TMEM232: variants seen among roughly 807,000 people sequenced by gnomAD.
TMEM232 encodes transmembrane protein 232.
TMEM232 carries 80 observed loss-of-function variants against 78.8 expected under a neutral mutation model. That is an observed-to-expected ratio of 1.01 (90% CI 0.85 to 1.22). The LOEUF is 1.22. Ranked by LOEUF, TMEM232 falls within the 50% of genes most tolerant of loss-of-function variation. The probability of loss-of-function intolerance (pLI) is 0.00; values close to 1 mark genes in which losing one functional copy is unlikely to be tolerated. For synonymous variants in TMEM232, 297 were observed against 254.3 expected (o/e 1.17, Z -1.60); for missense variants, 881 against 742.2 (o/e 1.19, Z -2.17).
At chr5:110,539,945 G>C (rs1446076651) in intron 11 of TMEM232, among the ~76,000 whole-genome samples, 1 of 152,136 alleles carries the variant, frequency 6.6e-6, no homozygotes, top group East Asian at 1.9e-4. Flanking sequence ...TTGTTCTTTT[G>C]GGGGAATAGC....
chr5:110,484,561 C>T (rs1189770010), intron 12 of TMEM232, among the ~76,000 whole-genome samples: 1 of 151,912 alleles, frequency 6.6e-6, no homozygotes, highest in Admixed American at 6.6e-5. Flanking sequence ...ATTCCCAATA[C>T]ATGCTATTAA....
At chr5:110,729,196 A>G (rs1277360140), upstream of TMEM232, among the ~76,000 whole-genome samples, 2 of 151,974 alleles carry the variant, frequency 1.3e-5, no homozygotes, top group African/African-American at 4.8e-5. Context: ...AGTCTTCTTT[A>G]TTTTTAAAAC....
intron 11 of TMEM232, among the ~76,000 whole-genome samples, chr5:110,566,027 T>A (rs1776301023): frequency 6.6e-6 from 1 of 151,918 alleles, no homozygotes; most frequent in Admixed American, 6.6e-5. Context: ...TATAATCACA[T>A]TCCCTTTACC....
intron 12 of TMEM232, among the ~76,000 whole-genome samples, chr5:110,511,472 TTAAG>T (rs1253981652): frequency 2.6e-5 from 4 of 151,948 alleles, no homozygotes; most frequent in East Asian, 1.9e-4. Flanking sequence ...AAAAATGATA[TTAAG>T]TAATAATTAT....
chr5:110,713,150 G>GA (rs1323317203), intron 1 of TMEM232, among the ~76,000 whole-genome samples: 4 of 151,890 alleles, frequency 2.6e-5, no homozygotes, highest in Non-Finnish European at 5.9e-5. Context: ...AACAGGCACA[G>GA]AAAGACAAAC....
At chr5:110,582,789 A>T (rs1323384064) in intron 10 of TMEM232, among the ~76,000 whole-genome samples, 1 of 152,064 alleles carries the variant, frequency 6.6e-6, no homozygotes, top group East Asian at 1.9e-4. Context: ...AAGTGCGTTA[A>T]AACCAATAAA....
intron 1 of TMEM232, among the ~76,000 whole-genome samples, chr5:110,699,340 A>C (rs1795179670): frequency 6.6e-6 from 1 of 152,080 alleles, no homozygotes; most frequent in African/African-American, 2.4e-5. Flanking sequence ...TAATACATCT[A>C]ACTGAAAGTA....
chr5:110,679,337 G>T (rs986440848), intron 1 of TMEM232, among the ~76,000 whole-genome samples: 1 of 152,124 alleles, frequency 6.6e-6, no homozygotes, highest in African/African-American at 2.4e-5. Flanking sequence ...TTGTTGAGGT[G>T]CTGTTAAGGT....
intron 12 of TMEM232, among the ~76,000 whole-genome samples, chr5:110,471,410 G>T (rs1443589204): frequency 6.6e-6 from 1 of 151,956 alleles, no homozygotes; most frequent in Non-Finnish European, 1.5e-5. Flanking sequence ...GAAGCTCAAA[G>T]GTCCCCAAGC....
intron 2 of TMEM232, among the ~76,000 whole-genome samples, chr5:110,646,010 G>A (rs1561446446): frequency 6.6e-6 from 1 of 151,488 alleles, no homozygotes. Context: ...TATCAAAGAG[G>A]TGAAAGACCT....
chr5:110,667,774 A>G (rs1790786615), intron 1 of TMEM232: 1 of 152,662 alleles, frequency 6.6e-6, no homozygotes, highest in Admixed American at 6.6e-5. Context: ...GCTTAGAATG[A>G]GCCTAGTATA....
At chr5:110,423,390 A>G (rs1225743857) in intron 13 of TMEM232, among the ~76,000 whole-genome samples, 1 of 152,186 alleles carries the variant, frequency 6.6e-6, no homozygotes, top group Non-Finnish European at 1.5e-5. Context: ...TGTAAAGCAT[A>G]AAGTATAAAT....
At chr5:110,677,041 G>A (rs566934079) in intron 1 of TMEM232, among the ~76,000 whole-genome samples, 10 of 152,212 alleles carry the variant, frequency 6.6e-5, no homozygotes, top group Admixed American at 5.9e-4. Flanking sequence ...GATTACAGGC[G>A]TGAGCCACCG....
chr5:110,500,306 A>AAC (rs1335563869), intron 12 of TMEM232, among the ~76,000 whole-genome samples: 2 of 145,028 alleles, frequency 1.4e-5, no homozygotes, highest in African/African-American at 5.5e-5. Context: ...AAAAAAAAAA[A>AAC]AGAAAGAAAG....
chr5:110,532,957 G>C (rs1771769533), intron 11 of TMEM232, among the ~76,000 whole-genome samples: 1 of 152,114 alleles, frequency 6.6e-6, no homozygotes, highest in African/African-American at 2.4e-5. Context: ...ACCAGACAAG[G>C]TTTACAAGTT....
intron 1 of TMEM232, among the ~76,000 whole-genome samples, chr5:110,698,300 G>C (rs934492803): frequency 6.6e-6 from 1 of 152,016 alleles, no homozygotes; most frequent in South Asian, 2.1e-4. Context: ...GTGGGTGGAG[G>C]GGGAGGGATA....
chr5:110,613,911 T>A (rs943475383), intron 8 of TMEM232, among the ~76,000 whole-genome samples: 5 of 152,044 alleles, frequency 3.3e-5, no homozygotes, highest in African/African-American at 7.2e-5. Context: ...TTTGGTATAA[T>A]GTTATTATTA....
chr5:110,444,919 T>TTGTC (rs1759481202), intron 12 of TMEM232, among the ~76,000 whole-genome samples: 2 of 152,222 alleles, frequency 1.3e-5, no homozygotes, highest in Non-Finnish European at 2.9e-5. Flanking sequence ...TTCCTCCTCT[T>TTGTC]TGTCTTTATT....
intron 1 of TMEM232, among the ~76,000 whole-genome samples, chr5:110,705,849 T>C (rs1341777962): frequency 6.6e-6 from 1 of 151,338 alleles, no homozygotes; most frequent in African/African-American, 2.4e-5. Context: ...AATGGTACTG[T>C]CCCCAAAATG....
Sources: allele counts gnomAD v4.1 joint callset (sites outside exome capture counted in the v4.1 genomes callset), GRCh38; gene constraint gnomAD v4.1.1; transcripts MANE v1.5; gene names NCBI Gene and HGNC (gene_info 2026-07-23, HGNC 2026-07-21).